The following GMDS variants were observed in gnomAD, a reference collection of about 807,000 sequenced individuals.
GMDS encodes GDP-mannose 4,6-dehydratase.
Under a neutral mutation model 49.9 loss-of-function variants are expected in GMDS, and 20 were observed. The ratio of observed to expected loss-of-function variants is 0.40; its 90% CI spans 0.28 to 0.58. The LOEUF is 0.58. GMDS is among the 20% of genes least tolerant of loss of function. The pLI is 0.42. For missense variants in GMDS, 362 were observed against 481.4 expected, an observed-to-expected ratio of 0.75 and a Z score of 2.32; for synonymous variants, 177 against 178.6, an observed-to-expected ratio of 0.99 and a Z score of 0.07.
intron 1 of GMDS, among the ~76,000 whole-genome samples, chr6:2,228,817 C>G (rs1024152425): frequency 6.6e-6 from 1 of 152,194 alleles, no homozygotes; most frequent in Non-Finnish European, 1.5e-5. Context: ...CCAATACCCC[C>G]CGTTGACAGC....
At chr6:1,935,332 A>G (rs1561903881) in intron 6 of GMDS, among the ~76,000 whole-genome samples, 1 of 152,202 alleles carries the variant, frequency 6.6e-6, no homozygotes, top group Non-Finnish European at 1.5e-5. Context: ...TAAGAACATC[A>G]CTATGTCCTT....
chr6:2,232,819 C>T (rs973515770), intron 1 of GMDS, among the ~76,000 whole-genome samples: 1 of 152,174 alleles, frequency 6.6e-6, no homozygotes, highest in African/African-American at 2.4e-5. Context: ...TGCCCGCGAC[C>T]TTCTCCCCTT....
At chr6:2,119,142 T>C (rs1454436713) in intron 2 of GMDS, among the ~76,000 whole-genome samples, 1 of 152,172 alleles carries the variant, frequency 6.6e-6, no homozygotes, top group Non-Finnish European at 1.5e-5. Flanking sequence ...AACAATAGTG[T>C]TATTTCGGCT....
rs1348562425 is a variant in GMDS at position 1,737,751 on chromosome 6, CAT to C, written c.890+4715_890+4716del. 1.5e-4 allele frequency among the ~76,000 whole-genome samples: 17 copies of C among 115,610 alleles called. 1 individual carries two copies. The highest frequency in any genetic ancestry group is 4.5e-4 in the African/African-American group (17 of 37,818). The allele number at this position is 115,610 out of a possible 152,430, so 75.8% of individuals were successfully genotyped here. A position where few individuals can be genotyped will look rare whatever the true frequency, so the allele number is the denominator to read the frequency against. The stretch of plus-strand genomic sequence containing the variant: ...AAACACACACACACATACACATACA[CAT>C]ACACACACACCACACACACAGATAC... On this transcript the variant is annotated intron_variant, in intron 8 of 10. Coordinates refer to ENST00000380815, the MANE Select transcript of GMDS (RefSeq NM_001500.4).
chr6:1,671,108 C>T (rs1467766524), intron 9 of GMDS, among the ~76,000 whole-genome samples: 1 of 152,222 alleles, frequency 6.6e-6, no homozygotes, highest in East Asian at 1.9e-4. Flanking sequence ...AGCTCCCCTG[C>T]AAACCACAGT....
At chr6:1,650,496 A>G (rs947530687) in intron 9 of GMDS, among the ~76,000 whole-genome samples, 1 of 152,288 alleles carries the variant, frequency 6.6e-6, no homozygotes, top group African/African-American at 2.4e-5. Flanking sequence ...GCCTTCTCCT[A>G]CCAATTCTTC....
At chr6:1,979,128 C>A (rs1396604684) in intron 4 of GMDS, among the ~76,000 whole-genome samples, 1 of 152,210 alleles carries the variant, frequency 6.6e-6, no homozygotes, top group Non-Finnish European at 1.5e-5. Context: ...ACTCAATAAT[C>A]TGGAGTGCCC....
chr6:2,244,477 G>A (rs1213298996), intron 1 of GMDS, among the ~76,000 whole-genome samples: 1 of 151,982 alleles, frequency 6.6e-6, no homozygotes, highest in Non-Finnish European at 1.5e-5. Context: ...CAATATGTGG[G>A]CACGATTACT....
chr6:1,942,187 A>G (rs1762855356), intron 6 of GMDS, among the ~76,000 whole-genome samples: 1 of 152,184 alleles, frequency 6.6e-6, no homozygotes, highest in Non-Finnish European at 1.5e-5. Flanking sequence ...TGCATGGTGA[A>G]TGGTCTCACC....
At chr6:1,986,678 G>A (rs548521157) in intron 4 of GMDS, among the ~76,000 whole-genome samples, 1 of 152,254 alleles carries the variant, frequency 6.6e-6, no homozygotes, top group South Asian at 2.1e-4. Context: ...TGAGAATCAT[G>A]ATGACTCCAA....
chr6:2,150,184 G>A (rs1364417547), intron 1 of GMDS, among the ~76,000 whole-genome samples: 2 of 152,024 alleles, frequency 1.3e-5, no homozygotes, highest in Non-Finnish European at 2.9e-5. Flanking sequence ...GGTATATACA[G>A]ATTAACGGTA....
chr6:2,068,574 G>A (rs910434312), intron 4 of GMDS, among the ~76,000 whole-genome samples: 6 of 151,888 alleles, frequency 4.0e-5, no homozygotes, highest in Non-Finnish European at 5.9e-5. Context: ...AAAGTCTCAG[G>A]ATACAAAATC....
At chr6:2,169,305 T>C (rs1039693047) in intron 1 of GMDS, among the ~76,000 whole-genome samples, 1 of 151,658 alleles carries the variant, frequency 6.6e-6, no homozygotes, top group African/African-American at 2.4e-5. Flanking sequence ...TAAGAAAGAG[T>C]TCCTTCAACA....
At chr6:1,718,214 T>C (rs1766239946) in intron 9 of GMDS, among the ~76,000 whole-genome samples, 1 of 152,116 alleles carries the variant, frequency 6.6e-6, no homozygotes, top group Non-Finnish European at 1.5e-5. Flanking sequence ...ATCTTGCACA[T>C]CTAGGCCCTA....
At chr6:1,830,690 T>C (rs1329400305) in intron 7 of GMDS, among the ~76,000 whole-genome samples, 1 of 152,208 alleles carries the variant, frequency 6.6e-6, no homozygotes, top group Non-Finnish European at 1.5e-5. Flanking sequence ...AATGATAAAC[T>C]ATATCTGGCA....
intron 8 of GMDS, among the ~76,000 whole-genome samples, chr6:1,737,680 A>G (rs1369698589): frequency 6.7e-6 from 1 of 150,022 alleles, no homozygotes; most frequent in African/African-American, 2.5e-5. Context: ...AGATATACAT[A>G]CACACATACA....
intron 4 of GMDS, among the ~76,000 whole-genome samples, chr6:1,985,942 G>C (rs1043522189): frequency 2.0e-5 from 3 of 152,130 alleles, no homozygotes; most frequent in Non-Finnish European, 4.4e-5. Context: ...TTGGGAAATG[G>C]TTCATTTCCA....
At chr6:1,738,893 T>C (rs1767151901) in intron 8 of GMDS, among the ~76,000 whole-genome samples, 1 of 152,208 alleles carries the variant, frequency 6.6e-6, no homozygotes, top group South Asian at 2.1e-4. Flanking sequence ...GTGGTTTCCC[T>C]CAAGCTGTCC....
chr6:2,187,971 T>C (rs1254478453), intron 1 of GMDS, among the ~76,000 whole-genome samples: 1 of 152,226 alleles, frequency 6.6e-6, no homozygotes, highest in African/African-American at 2.4e-5. Context: ...AGGAGAACAG[T>C]CAAGCCTTCA....
Sources: gnomAD v4.1 joint callset for allele counts (sites outside exome capture counted in the v4.1 genomes callset) on GRCh38, gnomAD v4.1.1 for gene constraint, MANE v1.5 for transcripts, NCBI Gene and HGNC (gene_info 2026-07-23, HGNC 2026-07-21) for gene names.